NEMP2: variants seen among roughly 807,000 people sequenced by gnomAD.
NEMP2 encodes the protein nuclear envelope integral membrane protein 2.
Under a neutral mutation model 54.2 loss-of-function variants are expected in NEMP2, and 53 were observed. That is an observed-to-expected ratio of 0.98 (90% CI 0.78 to 1.23). NEMP2 has a LOEUF of 1.23. Among genes scored for constraint, NEMP2 ranks in the 50% most tolerant of loss-of-function variants. The probability of loss-of-function intolerance (pLI) is 0.00; values close to 1 mark genes in which losing one functional copy is unlikely to be tolerated. For missense variants in NEMP2, 455 were observed against 511.3 expected, an observed-to-expected ratio of 0.89 and a Z score of 1.06; for synonymous variants, 197 against 190.3, an observed-to-expected ratio of 1.04 and a Z score of -0.29.
rs1395883070 is a variant in NEMP2, at chr2:190,507,812, A to C, written c.*1377T>G. The C allele has an allele frequency of 6.6e-6, 1 of 152,226 alleles. No individual in the cohort carries two copies. Among genetic ancestry groups the C allele is most frequent in the Non-Finnish European group, 1.5e-5 (1 of 68,036 alleles). 9.4% of individuals were successfully genotyped at this position (152,226 alleles called of 1,614,324 possible). A position where few individuals can be genotyped will look rare whatever the true frequency, so the allele number is the denominator to read the frequency against. ...TTAGAAAAACTACTTAATTTGGCTC[A>C]GGAAAGCAGCAGTGCCAAAATTCTG... On this transcript the variant is annotated 3_prime_UTR_variant, in exon 9 of 9. Transcript: ENST00000409150. This position sits in a 1 kb window ranked among gnomAD's most constrained non-coding sequence, Gnocchi z 4.4.
downstream of NEMP2, chr2:190,499,838 A>G: frequency 6.5e-7 from 1 of 1,544,422 alleles, no homozygotes; most frequent in South Asian, 1.2e-5. The surrounding 1 kb of genome is among the most constrained non-coding windows in gnomAD (Gnocchi z 6.0). Flanking sequence ...GCAGTTGCAC[A>G]TAGGAAAGGA....
the NEMP2 span, among the ~76,000 whole-genome samples, chr2:190,456,313 G>C: frequency 6.6e-6 from 1 of 152,144 alleles, no homozygotes; most frequent in Non-Finnish European, 1.5e-5. This position sits in a 1 kb window ranked among gnomAD's most constrained non-coding sequence, Gnocchi z 5.4. Context: ...TGTTTAGCAT[G>C]GTGAGTGGGA....
chr2:190,597,088 C>T, the NEMP2 span, among the ~76,000 whole-genome samples: 4 of 151,754 alleles, frequency 2.6e-5, no homozygotes, highest in Non-Finnish European at 5.9e-5. The surrounding 1 kb of genome is among the most constrained non-coding windows in gnomAD (Gnocchi z 4.7). Context: ...ATAGGGGCAC[C>T]CCACCTCTAC....
the NEMP2 span, among the ~76,000 whole-genome samples, chr2:190,571,224 C>T: frequency 6.6e-6 from 1 of 152,158 alleles, no homozygotes; most frequent in East Asian, 1.9e-4. Flanking sequence ...GACTTAGCTA[C>T]TAATACATCT....
downstream of NEMP2, chr2:190,501,086 T>C (rs1334222079): frequency 6.6e-6 from 1 of 152,172 alleles, no homozygotes; most frequent in African/African-American, 2.4e-5. Flanking sequence ...AGGCTCTAAT[T>C]AGCTGAGGGA....
chr2:190,432,226 G>C, the NEMP2 span, among the ~76,000 whole-genome samples: 1 of 152,184 alleles, frequency 6.6e-6, no homozygotes. Flanking sequence ...TAGAGAAGAG[G>C]CTTTAACTTT....
the NEMP2 span, among the ~76,000 whole-genome samples, chr2:190,540,228 T>C: frequency 6.6e-6 from 1 of 152,208 alleles, no homozygotes; most frequent in Non-Finnish European, 1.5e-5. Context: ...TTCATTGATT[T>C]GCATATGTCG....
chr2:190,559,360 G>A, the NEMP2 span, among the ~76,000 whole-genome samples: 9 of 152,216 alleles, frequency 5.9e-5, no homozygotes, highest in African/African-American at 1.2e-4. The surrounding 1 kb of genome is among the most constrained non-coding windows in gnomAD (Gnocchi z 4.0). Context: ...GGAAGAAGGT[G>A]TGAGTGGGAG....
chr2:190,494,680 C>A, the NEMP2 span, among the ~76,000 whole-genome samples: 1 of 152,138 alleles, frequency 6.6e-6, no homozygotes, highest in Admixed American at 6.6e-5. The surrounding 1 kb of genome is among the most constrained non-coding windows in gnomAD (Gnocchi z 5.7). Flanking sequence ...ACCAGGGATG[C>A]AGGAATGGTT....
downstream of NEMP2, chr2:190,504,310 G>A (rs1490223785): frequency 6.6e-6 from 1 of 152,166 alleles, no homozygotes; most frequent in East Asian, 1.9e-4. The surrounding 1 kb of genome is among the most constrained non-coding windows in gnomAD (Gnocchi z 5.6). Context: ...GGGGCAGGAG[G>A]AGCGCTGTCT....
the NEMP2 span, among the ~76,000 whole-genome samples, chr2:190,642,110 A>T: frequency 1.3e-5 from 2 of 152,184 alleles, no homozygotes; most frequent in Non-Finnish European, 1.5e-5. This position sits in a 1 kb window ranked among gnomAD's most constrained non-coding sequence, Gnocchi z 4.1. Context: ...GATTTCTAGG[A>T]TCCCACCTAA....
At position 190,534,552 on chromosome 2, in the gene NEMP2, G is replaced by A. The variant is rs568692644; in HGVS notation, c.97+7C>T. The A allele has an allele frequency of 3.6e-5, 51 of 1,402,352 alleles. No individual in the cohort carries two copies. The highest frequency in any genetic ancestry group is 6.1e-5 in the East Asian group (2 of 32,590). The allele number at this position is 1,402,352 out of a possible 1,614,324, so 86.9% of individuals were successfully genotyped here. A position where few individuals can be genotyped will look rare whatever the true frequency, so the allele number is the denominator to read the frequency against. On this transcript the variant is annotated splice_region_variant and intron_variant, in intron 1 of 8. Coordinates refer to ENST00000409150, the MANE Select transcript of NEMP2 (RefSeq NM_001142645.2). ...CGCGCGCGCCGCCGCCGCCGGTCCCGGGTTACCTGATAACGCTGCCGCCGC... is the reference window on the plus strand; with the variant it reads ...CGCGCGCGCCGCCGCCGCCGGTCCCAGGTTACCTGATAACGCTGCCGCCGC...
the NEMP2 span, among the ~76,000 whole-genome samples, chr2:190,588,396 G>T: frequency 6.6e-6 from 1 of 152,186 alleles, no homozygotes; most frequent in East Asian, 1.9e-4. The surrounding 1 kb of genome is among the most constrained non-coding windows in gnomAD (Gnocchi z 5.0). Context: ...AAGGAAAAAT[G>T]ATTAGAGATG....
chr2:190,430,597 G>A, the NEMP2 span, among the ~76,000 whole-genome samples: 1 of 152,224 alleles, frequency 6.6e-6, no homozygotes, highest in Non-Finnish European at 1.5e-5. Flanking sequence ...AGTCTCCCAT[G>A]TCTGCTTCTT....
the NEMP2 span, among the ~76,000 whole-genome samples, chr2:190,426,558 T>C: frequency 6.6e-6 from 1 of 152,212 alleles, no homozygotes; most frequent in Non-Finnish European, 1.5e-5. This position sits in a 1 kb window ranked among gnomAD's most constrained non-coding sequence, Gnocchi z 4.7. Context: ...GGGATTGGGC[T>C]TCTGCTGTAC....
rs1375260816 is a variant in NEMP2 at position 190,525,375 on chromosome 2, C to A, written c.101G>T (p.Arg34Leu). The change falls in exon 2 of 9, where the codon CGT (arginine) becomes CTT (leucine). Residue 34 changes from arginine (R) to leucine (L), a missense_variant. Around this residue, in one of 3 missense-constraint regions of NEMP2, gnomAD observed 100 missense variants for 80.2 expected, o/e 1.25. Transcript: ENST00000409150. The surrounding 1 kb of genome is among the most constrained non-coding windows in gnomAD (Gnocchi z 5.0). ...TTTTTCCTTCAAAGCTTTACACCTA[C>A]GAACTGAGAGATGGAAAAGGGAATG... ...GEAAAAALSV[R>L]RCKALKEKDL... 2.7e-6 allele frequency: 4 copies of A among 1,503,924 alleles called. No homozygotes were observed. The highest frequency in any genetic ancestry group is 3.6e-6 in the Non-Finnish European group (4 of 1,107,596). 93.2% of individuals were successfully genotyped at this position (1,503,924 alleles called of 1,614,324 possible).
the NEMP2 span, among the ~76,000 whole-genome samples, chr2:190,595,462 C>G: frequency 6.6e-6 from 1 of 152,128 alleles, no homozygotes; most frequent in African/African-American, 2.4e-5. This position sits in a 1 kb window ranked among gnomAD's most constrained non-coding sequence, Gnocchi z 4.0. Context: ...TCAGAGTGAA[C>G]AGGCAACATA....
At chr2:190,537,458 C>T (rs923717151), upstream of NEMP2, among the ~76,000 whole-genome samples, 10 of 152,310 alleles carry the variant, frequency 6.6e-5, no homozygotes, top group East Asian at 1.9e-4. Context: ...TTTTCCCCTT[C>T]ACTCAGCACT....
the NEMP2 span, among the ~76,000 whole-genome samples, chr2:190,611,229 TC>T: frequency 1.3e-5 from 2 of 152,334 alleles, no homozygotes; most frequent in East Asian, 3.9e-4. This position sits in a 1 kb window ranked among gnomAD's most constrained non-coding sequence, Gnocchi z 5.4. Context: ...TATAGGAGTC[TC>T]CCATAACTTT....
Sources: allele counts gnomAD v4.1 joint callset (sites outside exome capture counted in the v4.1 genomes callset), GRCh38; gene constraint gnomAD v4.1.1; regional missense constraint gnomAD v4.1.1; non-coding constraint Gnocchi (gnomAD v3.1); transcripts MANE v1.5; gene names NCBI Gene and HGNC (gene_info 2026-07-23, HGNC 2026-07-21).